The following FAM193A variants were observed in gnomAD, a reference collection of about 807,000 sequenced individuals.
The protein encoded by FAM193A is family with sequence similarity 193 member A.
FAM193A carries 22 observed loss-of-function variants against 126.5 expected under a neutral mutation model. The ratio of observed to expected loss-of-function variants is 0.17; its 90% CI spans 0.12 to 0.25. The LOEUF is 0.25. FAM193A is among the 10% of genes least tolerant of loss of function. The pLI is 1.00. For synonymous variants in FAM193A, 761 were observed against 646.8 expected (o/e 1.18, Z -2.68); for missense variants, 1,675 against 1,672.8 (o/e 1.00, Z -0.02).
At chr4:2,595,652 C>T (rs577779295) in intron 1 of FAM193A, among the ~76,000 whole-genome samples, 1 of 152,198 alleles carries the variant, frequency 6.6e-6, no homozygotes, top group African/African-American at 2.4e-5. Context: ...GGACAGCCGA[C>T]CTCAAAGATG....
intron 2 of FAM193A, among the ~76,000 whole-genome samples, chr4:2,624,427 A>G (rs369309687): frequency 3.9e-5 from 6 of 152,324 alleles, no homozygotes; most frequent in South Asian, 2.1e-4. Context: ...TATAGGCGTG[A>G]GCCACTGCCC....
chr4:2,611,079 T>G (rs956772606), intron 2 of FAM193A, among the ~76,000 whole-genome samples: 10 of 152,058 alleles, frequency 6.6e-5, no homozygotes, highest in Admixed American at 3.3e-4. Flanking sequence ...TTCTCTTTGA[T>G]AAACACCTGG....
intron 19 of FAM193A, among the ~76,000 whole-genome samples, chr4:2,700,953 ACTCCAT>A (rs1245946395): frequency 6.6e-6 from 1 of 151,234 alleles, no homozygotes; most frequent in African/African-American, 2.5e-5. Context: ...TGACAGAGAG[ACTCCAT>A]CTCAAAAAAT....
intron 20 of FAM193A, among the ~76,000 whole-genome samples, chr4:2,723,821 T>C (rs894119921): frequency 7.2e-5 from 11 of 152,066 alleles, no homozygotes; most frequent in Non-Finnish European, 1.2e-4. Flanking sequence ...TTTTGTTTTG[T>C]TTTTTTGAGA....
chr4:2,536,922 C>G lies in FAM193A; in HGVS notation c.7C>G (p.Pro3Ala), dbSNP rs1206920152. The G allele has an allele frequency of 6.7e-6, 1 of 149,542 alleles. No homozygotes were observed. The highest frequency in any genetic ancestry group is 1.5e-5 in the Non-Finnish European group (1 of 67,516). 9.3% of individuals were successfully genotyped at this position (149,542 alleles called of 1,614,324 possible). ...GCCCCTCTCCCCGCCCGCCATGAGC[C>G]CAGCCGACGCCAAGCGCGGGGCCAA... Reference protein sequence around the residue: MSPADAKRGAKRR... With the variant: MSAADAKRGAKRR... The change falls in exon 1 of 21, where the codon CCA becomes GCA. Residue 3 changes from proline to alanine, a missense_variant. Transcript: ENST00000637812.
intron 13 of FAM193A, 54 bp from the exon 14 acceptor site, chr4:2,689,452 C>T: frequency 1.5e-6 from 2 of 1,312,454 alleles, no homozygotes; most frequent in Non-Finnish European, 2.1e-6. Flanking sequence ...AACTACTTAC[C>T]TAGGTAAACA....
At chr4:2,599,996 T>G (rs1018918506) in intron 2 of FAM193A, among the ~76,000 whole-genome samples, 5 of 152,214 alleles carry the variant, frequency 3.3e-5, no homozygotes, top group African/African-American at 1.2e-4. Context: ...GCCTCCTGGG[T>G]TCAGGTGATT....
chr4:2,547,326 A>T (rs1228630328), intron 1 of FAM193A, among the ~76,000 whole-genome samples: 1 of 152,062 alleles, frequency 6.6e-6, no homozygotes, highest in African/African-American at 2.4e-5. Flanking sequence ...CTGGGAGGTG[A>T]AGGTTGCTAT....
At chr4:2,696,642 G>C (rs1355305290) in intron 18 of FAM193A, 49 bp downstream of exon 18, 1 of 1,458,986 alleles carries the variant, frequency 6.9e-7, no homozygotes. Flanking sequence ...GAGGGCATTT[G>C]AAGGTGCCGT....
chr4:2,707,371 T>A (rs1341539955), intron 19 of FAM193A, among the ~76,000 whole-genome samples: 3 of 152,194 alleles, frequency 2.0e-5, no homozygotes, highest in African/African-American at 7.2e-5. Context: ...TTAAATGGGA[T>A]CTTCTCCACC....
intron 20 of FAM193A, among the ~76,000 whole-genome samples, chr4:2,731,196 CA>C (rs546217602): frequency 0.044 from 3,759 of 86,172 alleles, 21 homozygotes; most frequent in African/African-American, 0.12. Context: ...AACTCCTTCT[CA>C]AAAAAAAAAA....
At chr4:2,697,337 C>CA (rs1717155148) in intron 18 of FAM193A, among the ~76,000 whole-genome samples, 1 of 152,036 alleles carries the variant, frequency 6.6e-6, no homozygotes, top group African/African-American at 2.4e-5. Flanking sequence ...GCCTGGGTGA[C>CA]AGAGTGAGAC....
At chr4:2,678,170 G>C (rs761365126) in intron 13 of FAM193A, among the ~76,000 whole-genome samples, 4 of 151,962 alleles carry the variant, frequency 2.6e-5, no homozygotes, top group Non-Finnish European at 5.9e-5. Context: ...TATTTTAATA[G>C]AGATGGGGTT....
chr4:2,709,044 T>TA (rs1156966896), intron 19 of FAM193A, among the ~76,000 whole-genome samples: 1 of 152,084 alleles, frequency 6.6e-6, no homozygotes. Flanking sequence ...TTAGCCACAT[T>TA]AAAAAAATTT....
At chr4:2,554,283 C>T (rs1473683709) in intron 1 of FAM193A, among the ~76,000 whole-genome samples, 4 of 151,982 alleles carry the variant, frequency 2.6e-5, no homozygotes, top group Admixed American at 2.0e-4. Context: ...CGGGATTTCA[C>T]CACGTTGGCC....
chr4:2,579,514 A>C (rs1040671761), intron 1 of FAM193A, among the ~76,000 whole-genome samples: 2 of 152,124 alleles, frequency 1.3e-5, no homozygotes, highest in African/African-American at 2.4e-5. Context: ...CCTGGGCAAC[A>C]TAACAAGGTC....
intron 2 of FAM193A, among the ~76,000 whole-genome samples, chr4:2,603,140 G>A (rs1449065054): frequency 6.8e-6 from 1 of 147,134 alleles, no homozygotes; most frequent in East Asian, 2.0e-4. Context: ...GGCTAATTTT[G>A]TGTGTATATA....
Position 2,709,124 on chromosome 4 carries a change from G to A in FAM193A, c.4373-6899G>A, listed in dbSNP as rs143594383. 4.3e-3 allele frequency among the ~76,000 whole-genome samples: 661 copies of A among 152,238 alleles called. 1 individual carries two copies. The highest frequency in any genetic ancestry group is 0.015 in the African/African-American group (635 of 41,546). On this transcript the variant is annotated intron_variant, in intron 19 of 20. Transcript: ENST00000637812. Reference sequence around the variant, plus strand: ...TTCATTAGGAATGGGTGTTATGGGTGTTAAACTTCAAAGGTTTTCTAGCAT... The same window carrying A: ...TTCATTAGGAATGGGTGTTATGGGTATTAAACTTCAAAGGTTTTCTAGCAT...
At chr4:2,559,935 G>C (rs1738508033) in intron 1 of FAM193A, among the ~76,000 whole-genome samples, 2 of 151,794 alleles carry the variant, frequency 1.3e-5, no homozygotes, top group African/African-American at 2.4e-5. Flanking sequence ...CTGCGCCTTT[G>C]TGCACGCTTT....
Sources: allele counts gnomAD v4.1 joint callset (sites outside exome capture counted in the v4.1 genomes callset), GRCh38; gene constraint gnomAD v4.1.1; transcripts MANE v1.5; gene names NCBI Gene and HGNC (gene_info 2026-07-23, HGNC 2026-07-21).